The following MYRIP variants were observed in gnomAD, a reference collection of about 807,000 sequenced individuals.
MYRIP encodes rab effector MyRIP.
A neutral mutation model predicts 98.0 loss-of-function variants in MYRIP; 49 were observed. The observed-to-expected ratio is 0.50, with a 90% confidence interval of 0.40 to 0.63. The LOEUF (loss-of-function observed/expected upper bound fraction) is 0.63, where lower values mean the gene tolerates loss of function less well. Ranked by LOEUF, MYRIP falls within the 30% of genes least tolerant of loss-of-function variation. The pLI is 0.00. For missense variants in MYRIP, 1,004 were observed against 1,058.2 expected, an observed-to-expected ratio of 0.95 and a Z score of 0.71; for synonymous variants, 404 against 409.5, an observed-to-expected ratio of 0.99 and a Z score of 0.16.
intron 2 of MYRIP, among the ~76,000 whole-genome samples, chr3:39,941,460 C>T (rs572183041): frequency 5.9e-5 from 9 of 151,510 alleles, no homozygotes; most frequent in Middle Eastern, 6.8e-3. Flanking sequence ...CAAACTATAT[C>T]GGGAGGAAAT....
chr3:39,934,760 C>T lies in MYRIP; in HGVS notation c.110+33834C>T, dbSNP rs1944621523. 2.6e-5 allele frequency among the ~76,000 whole-genome samples: 4 copies of T among 152,166 alleles called. No individual in the cohort carries two copies. In the South Asian group the frequency reaches 8.3e-4, roughly 32 times the overall value. ...GAAACGTTATCAGTATACAGCGAGGCATCCTGACAGGAATTGAGGGTGACA... is the reference window on the plus strand; with the variant it reads ...GAAACGTTATCAGTATACAGCGAGGTATCCTGACAGGAATTGAGGGTGACA... On this transcript the variant is annotated intron_variant, in intron 2 of 16. Coordinates refer to ENST00000302541, the MANE Select transcript of MYRIP (RefSeq NM_015460.4).
At chr3:40,178,393 G>T (rs890143484) in intron 8 of MYRIP, among the ~76,000 whole-genome samples, 1 of 152,192 alleles carries the variant, frequency 6.6e-6, no homozygotes, top group Non-Finnish European at 1.5e-5. Flanking sequence ...GTCCTGCTGG[G>T]CTGGGGCACA....
intron 1 of MYRIP, among the ~76,000 whole-genome samples, chr3:39,881,222 C>T (rs573740655): frequency 7.4e-6 from 1 of 135,356 alleles, no homozygotes; most frequent in Non-Finnish European, 1.7e-5. Flanking sequence ...CCCATTTCTT[C>T]TGTTATCCTG....
intron 2 of MYRIP, among the ~76,000 whole-genome samples, chr3:39,930,006 G>T (rs1303434584): frequency 4.6e-5 from 7 of 151,950 alleles, no homozygotes; most frequent in African/African-American, 1.7e-4. Context: ...TATAAATAAT[G>T]CTATTATGAA....
intron 1 of MYRIP, among the ~76,000 whole-genome samples, chr3:39,875,441 A>C (rs556653818): frequency 8.1e-4 from 122 of 150,824 alleles, no homozygotes; most frequent in African/African-American, 2.4e-3. Flanking sequence ...TTAGGGTGTC[A>C]ATTTTGGATC....
chr3:39,862,179 C>A (rs1942492835), intron 1 of MYRIP, among the ~76,000 whole-genome samples: 1 of 152,212 alleles, frequency 6.6e-6, no homozygotes, highest in South Asian at 2.1e-4. Context: ...AGATTGGAAG[C>A]ATATATTTAG....
At chr3:39,958,194 G>A (rs1945219199) in intron 2 of MYRIP, among the ~76,000 whole-genome samples, 1 of 152,078 alleles carries the variant, frequency 6.6e-6, no homozygotes, top group Admixed American at 6.6e-5. Flanking sequence ...AGTTCATACG[G>A]AACCAAAAAA....
chr3:39,940,095 T>G (rs1434968863), intron 2 of MYRIP, among the ~76,000 whole-genome samples: 1 of 152,116 alleles, frequency 6.6e-6, no homozygotes, highest in Non-Finnish European at 1.5e-5. Context: ...ATAAAATATA[T>G]GTTAAGGTAC....
At chr3:39,957,439 C>T (rs1216245208) in intron 2 of MYRIP, among the ~76,000 whole-genome samples, 1 of 152,170 alleles carries the variant, frequency 6.6e-6, no homozygotes, top group Non-Finnish European at 1.5e-5. Flanking sequence ...ACATGATTAT[C>T]TCAATACATG....
chr3:40,244,871 C>A (rs1953139528), intron 13 of MYRIP, among the ~76,000 whole-genome samples: 3 of 152,184 alleles, frequency 2.0e-5, no homozygotes, highest in Admixed American at 2.0e-4. Context: ...GTTTCCTGAC[C>A]CATACATAGG....
intron 3 of MYRIP, among the ~76,000 whole-genome samples, chr3:40,132,553 G>A (rs868705106): frequency 2.0e-5 from 3 of 152,216 alleles, no homozygotes; most frequent in African/African-American, 7.2e-5. Flanking sequence ...ATATTTTTCT[G>A]GGCCAGGGCC....
chr3:40,015,934 C>T (rs974826412), intron 2 of MYRIP, among the ~76,000 whole-genome samples: 7 of 152,158 alleles, frequency 4.6e-5, no homozygotes, highest in African/African-American at 1.7e-4. Flanking sequence ...AACCACTCTT[C>T]CTAGTGGTTT....
intron 2 of MYRIP, among the ~76,000 whole-genome samples, chr3:40,005,964 C>T (rs1946624899): frequency 6.6e-6 from 1 of 152,038 alleles, no homozygotes; most frequent in Admixed American, 6.6e-5. Context: ...CAAGGGAAGG[C>T]CTTTCATGGA....
At chr3:40,032,751 G>T (rs1015688304) in intron 2 of MYRIP, among the ~76,000 whole-genome samples, 1 of 151,930 alleles carries the variant, frequency 6.6e-6, no homozygotes, top group Non-Finnish European at 1.5e-5. Flanking sequence ...TACCAAACCC[G>T]GGCAGAGACA....
At position 39,853,492 on chromosome 3, in the gene MYRIP, A is replaced by G. The variant is rs1942200076; in HGVS notation, c.-31+43576A>G. On this transcript the variant is annotated intron_variant, in intron 1 of 16. Coordinates refer to ENST00000302541, the MANE Select transcript of MYRIP (RefSeq NM_015460.4). Reference sequence around the variant, plus strand: ...GTATCTCATTGTGGTTTTAATTTGCATTTCCCTGATCATTAGTGATGTTGA... The same window carrying G: ...GTATCTCATTGTGGTTTTAATTTGCGTTTCCCTGATCATTAGTGATGTTGA... Among the ~76,000 whole-genome samples, 5 of 152,108 alleles carry G rather than the reference A, an allele frequency of 3.3e-5. No homozygotes were observed. In the South Asian group the frequency reaches 1.0e-3, roughly 32 times the overall value.
At chr3:40,151,298 A>C (rs563648692) in intron 4 of MYRIP, 114 bp downstream of exon 4, 2 of 1,141,860 alleles carry the variant, frequency 1.8e-6, no homozygotes, top group Admixed American at 3.3e-5. Flanking sequence ...AATTTGCTTA[A>C]ATATCTGGCA....
At position 40,162,770 on chromosome 3, in the gene MYRIP, C is replaced by T. The variant is rs1328007192; in HGVS notation, c.510C>T (p.Ser170=). The change falls in exon 5 of 17, where the codon AGC becomes AGT. Residue 170 remains serine, a synonymous_variant. Transcript: ENST00000302541. ...LFESNLENEG[S]ISGSDSTFYR... is the part of the protein sequence containing the mutation. ...AGTCAAACCTGGAGAATGAAGGAAG[C>T]ATTTCTGGCAGTGATTCAACATTTT... 2 of 1,613,894 alleles carry T rather than the reference C, an allele frequency of 1.2e-6. No individual in the cohort carries two copies. Among genetic ancestry groups the T allele is most frequent in the South Asian group, 1.1e-5 (1 of 91,062 alleles).
At chr3:39,842,631 C>T (rs1941836724) in intron 1 of MYRIP, among the ~76,000 whole-genome samples, 2 of 152,146 alleles carry the variant, frequency 1.3e-5, no homozygotes, top group South Asian at 4.1e-4. Flanking sequence ...ATTGCAGAGA[C>T]CATGGGAAAA....
upstream of MYRIP, chr3:39,809,109 G>T (rs1940567714): frequency 6.6e-6 from 1 of 152,320 alleles, no homozygotes; most frequent in African/African-American, 2.4e-5. Context: ...GTGAAGTGGG[G>T]AAGAGCTGTC....
Sources: allele counts gnomAD v4.1 joint callset (sites outside exome capture counted in the v4.1 genomes callset), GRCh38; gene constraint gnomAD v4.1.1; transcripts MANE v1.5; gene names NCBI Gene and HGNC (gene_info 2026-07-23, HGNC 2026-07-21).